NFIC: variants seen among roughly 807,000 people sequenced by gnomAD.
NFIC encodes the protein nuclear factor 1 C-type.
Under a neutral mutation model 54.4 loss-of-function variants are expected in NFIC, and 12 were observed. That is an observed-to-expected ratio of 0.22 (90% CI 0.14 to 0.36). The LOEUF is 0.36. Among genes scored for constraint, NFIC ranks in the 10% least tolerant of loss-of-function variants. The probability of loss-of-function intolerance (pLI) is 1.00; values close to 1 mark genes in which losing one functional copy is unlikely to be tolerated. For synonymous variants in NFIC, 322 were observed against 319.2 expected (o/e 1.01, Z -0.09); for missense variants, 575 against 718.2 (o/e 0.80, Z 2.28).
At chr19:3,365,556 G>A (rs541988886), upstream of NFIC, among the ~76,000 whole-genome samples, 96 of 152,280 alleles carry the variant, frequency 6.3e-4, no homozygotes, top group African/African-American at 2.0e-3. Context: ...GCCCTGTTAC[G>A]TCTAGAAGGA....
At chr19:3,374,994 G>A (rs1030246298) in intron 1 of NFIC, among the ~76,000 whole-genome samples, 5 of 152,002 alleles carry the variant, frequency 3.3e-5, no homozygotes, top group African/African-American at 9.6e-5. Context: ...ACCTGTCCCC[G>A]GAAAGGGCAC....
chr19:3,448,967 A>C (rs2145673339), intron 6 of NFIC, 47 bp from the exon 7 acceptor site: 1 of 1,583,060 alleles, frequency 6.3e-7, no homozygotes, highest in Non-Finnish European at 8.6e-7. Context: ...TCCAGGGCTC[A>C]TGGGGTGTGA....
chr19:3,454,314 G>T, intron 9 of NFIC: 3 of 992,718 alleles, frequency 3.0e-6, no homozygotes, highest in Non-Finnish European at 3.6e-6. Flanking sequence ...AAGAGAATCG[G>T]TTGTTATCAT....
rs1472259090 is a variant in NFIC at position 3,369,474 on chromosome 19, C to T, written c.30+2808C>T. 6.6e-6 allele frequency among the ~76,000 whole-genome samples: 1 copy of T among 152,098 alleles called. No individual in the cohort carries two copies. Among genetic ancestry groups the T allele is most frequent in the African/African-American group, 2.4e-5 (1 of 41,408 alleles). On this transcript the variant is annotated intron_variant, in intron 1 of 10. Coordinates refer to ENST00000443272, the MANE Select transcript of NFIC (RefSeq NM_001245002.2). This position sits in a 1 kb window ranked among gnomAD's most constrained non-coding sequence, Gnocchi z 4.3. The stretch of plus-strand genomic sequence containing the variant: ...CCAACCGAAAATAGCTCCCTTTTAG[C>T]TGATCCGACCCGGATCCTTCTCGGG...
chr19:3,398,205 C>T (rs1344541553), intron 2 of NFIC, among the ~76,000 whole-genome samples: 6 of 152,156 alleles, frequency 3.9e-5, no homozygotes, highest in Admixed American at 3.9e-4. Context: ...CAGAATGAGG[C>T]GATGGCTGTC....
intron 1 of NFIC, among the ~76,000 whole-genome samples, chr19:3,376,395 C>T (rs547374686): frequency 2.9e-5 from 4 of 136,526 alleles, no homozygotes; most frequent in African/African-American, 8.3e-5. Flanking sequence ...TGCCACCGCC[C>T]TCCAGCCTGG....
intron 2 of NFIC, among the ~76,000 whole-genome samples, chr19:3,411,412 C>T (rs2081757336): frequency 6.8e-6 from 1 of 146,770 alleles, no homozygotes; most frequent in South Asian, 2.1e-4. Flanking sequence ...ACTGCAACCT[C>T]TGTCTCCCGG....
chr19:3,449,605 C>T (rs1284229778), intron 7 of NFIC, among the ~76,000 whole-genome samples: 4 of 151,520 alleles, frequency 2.6e-5, no homozygotes, highest in Non-Finnish European at 5.9e-5. Context: ...ACTAAAAATA[C>T]AAAAATTAGC....
intron 1 of NFIC, among the ~76,000 whole-genome samples, chr19:3,367,472 TCCCCTCCCCCTC>T (rs374650173): frequency 7.3e-5 from 11 of 151,086 alleles, no homozygotes; most frequent in African/African-American, 1.2e-4. Flanking sequence ...ACCTGCCCCG[TCCCCTCCCCCTC>T]CCCCTCCCCC....
intron 2 of NFIC, among the ~76,000 whole-genome samples, chr19:3,396,865 A>C (rs1599609989): frequency 6.6e-6 from 1 of 152,182 alleles, no homozygotes. Flanking sequence ...CTGAGGCAGG[A>C]GAATCGCTTG....
At position 3,464,840 on chromosome 19, in the gene NFIC, G is replaced by C; in HGVS notation, c.*2071G>C. 2 of 435,482 alleles carry C rather than the reference G, an allele frequency of 4.6e-6. No homozygotes were observed. The highest frequency in any genetic ancestry group is 6.1e-6 in the Non-Finnish European group (2 of 327,656). 27.0% of individuals were successfully genotyped at this position (435,482 alleles called of 1,614,324 possible). ...GGGGCCCGCTCCCCCGGTGGCCCTT[G>C]GGGATCAAAGCGTGGGCCGCTCTCC... On this transcript the variant is annotated 3_prime_UTR_variant, in exon 11 of 11. Coordinates refer to ENST00000443272, the MANE Select transcript of NFIC (RefSeq NM_001245002.2).
rs772119843 is a variant in NFIC, at chr19:3,453,912, G to A, written c.1419G>A (p.Ser473=). 1.4e-5 allele frequency: 21 copies of A among 1,537,246 alleles called. No homozygotes were observed. The highest frequency in any genetic ancestry group is 7.5e-5 in the East Asian group (3 of 39,942). ...AGGGAGGAGCCACGTCGCCGACCTC[G>A]CCTTGTAAGCACGCGGGAAGCGGTG... ...TSEGGATSPT[S]PSYSPPDTSP... Residue 473 remains serine (S), a synonymous_variant, in exon 9 of 11, where the codon TCG becomes TCA. Transcript: ENST00000443272. The surrounding 1 kb of genome is among the most constrained non-coding windows in gnomAD (Gnocchi z 6.7).
chr19:3,434,495 A>G, intron 5 of NFIC, 95 bp downstream of exon 5: 1 of 1,442,816 alleles, frequency 6.9e-7, no homozygotes. Flanking sequence ...TCCCTGGAAT[A>G]CCTCTTTTCA....
At chr19:3,417,862 T>G (rs1219651977) in intron 2 of NFIC, among the ~76,000 whole-genome samples, 1 of 149,386 alleles carries the variant, frequency 6.7e-6, no homozygotes, top group Non-Finnish European at 1.5e-5. Flanking sequence ...ATGGTCTCGA[T>G]CTCCTGACCT....
In NFIC at chr19:3,435,271, C is replaced by T. The variant is rs975343694; in HGVS notation, c.958+64C>T. The T allele has an allele frequency of 4.1e-6, 6 of 1,458,552 alleles. No homozygotes were observed. In the African/African-American group the frequency reaches 5.7e-5, roughly 14 times the overall value. The allele number at this position is 1,458,552 out of a possible 1,614,324, so 90.4% of individuals were successfully genotyped here. A position where few individuals can be genotyped will look rare whatever the true frequency, so the allele number is the denominator to read the frequency against. ...TGAGTCACCGTGGCGGGAACTACGT[C>T]TTCCGGCAGCCACTGCGCGGGCGCC... On this transcript the variant is annotated intron_variant, in intron 6 of 10. Transcript: ENST00000443272.
At chr19:3,405,563 G>A (rs2081635021) in intron 2 of NFIC, among the ~76,000 whole-genome samples, 1 of 151,890 alleles carries the variant, frequency 6.6e-6, no homozygotes, top group Admixed American at 6.6e-5. Flanking sequence ...GTCCGTACTG[G>A]AATTCCTTTC....
chr19:3,398,037 C>A (rs2081492968), intron 2 of NFIC, among the ~76,000 whole-genome samples: 1 of 152,072 alleles, frequency 6.6e-6, no homozygotes, highest in South Asian at 2.1e-4. Context: ...GGTTGCTGGG[C>A]AGATGGCATA....
chr19:3,366,196 C>T (rs1278415216), upstream of NFIC, among the ~76,000 whole-genome samples: 1 of 151,714 alleles, frequency 6.6e-6, no homozygotes, highest in Non-Finnish European at 1.5e-5. Flanking sequence ...CCCTGCAGTC[C>T]TGGGGTCCTG....
At chr19:3,391,625 C>T (rs541969788) in intron 2 of NFIC, among the ~76,000 whole-genome samples, 205 of 151,994 alleles carry the variant, frequency 1.3e-3, no homozygotes, top group African/African-American at 4.7e-3. Flanking sequence ...GGCAAAACCC[C>T]GTCTCTACTA....
Sources: gnomAD v4.1 joint callset for allele counts (sites outside exome capture counted in the v4.1 genomes callset) on GRCh38, gnomAD v4.1.1 for gene constraint, Gnocchi (gnomAD v3.1) non-coding constraint, MANE v1.5 for transcripts, NCBI Gene and HGNC (gene_info 2026-07-23, HGNC 2026-07-21) for gene names.